Variants in PRKD1 observed in about 807,000 individuals in gnomAD.
PRKD1 encodes the protein protein kinase D1.
Under a neutral mutation model 95.9 loss-of-function variants are expected in PRKD1, and 63 were observed. That is an observed-to-expected ratio of 0.66 (90% CI 0.54 to 0.81). The LOEUF is 0.81. Among genes scored for constraint, PRKD1 ranks in the 30% least tolerant of loss-of-function variants. The pLI is 0.00. For synonymous variants in PRKD1, 425 were observed against 423.1 expected (o/e 1.00, Z -0.05); for missense variants, 1,048 against 1,165.3 (o/e 0.90, Z 1.47).
chr14:29,834,222 A>G (rs1891524698), intron 1 of PRKD1, among the ~76,000 whole-genome samples: 1 of 152,120 alleles, frequency 6.6e-6, no homozygotes, highest in Non-Finnish European at 1.5e-5. Context: ...TTAGCCATTC[A>G]TTGTTTTAGT....
At chr14:29,753,890 G>A (rs552392160) in intron 1 of PRKD1, among the ~76,000 whole-genome samples, 12 of 152,170 alleles carry the variant, frequency 7.9e-5, no homozygotes, top group South Asian at 2.1e-4. Context: ...ATGTGGCAAC[G>A]GATAGCCTGA....
chr14:29,855,543 G>A lies in PRKD1; in HGVS notation c.264+71706C>T, dbSNP rs534514063. Among the ~76,000 whole-genome samples the A allele has an allele frequency of 1.9e-4, 29 of 152,310 alleles. 2 individuals are homozygous for A. In the South Asian group the frequency reaches 5.0e-3, roughly 26 times the overall value. On this transcript the variant is annotated intron_variant, in intron 1 of 17. Transcript: ENST00000331968. ...GAGACTTTGGACTGTGAACTTTGGA[G>A]TTAATGCTAAAATGAGTAAAGACTT... is the stretch of plus-strand genomic sequence containing the variant.
At chr14:29,883,246 C>T (rs1893578749) in intron 1 of PRKD1, among the ~76,000 whole-genome samples, 3 of 152,170 alleles carry the variant, frequency 2.0e-5, no homozygotes. Context: ...CCAAACACCT[C>T]CCACCAGGCC....
At chr14:29,905,716 G>C (rs1251725710) in intron 1 of PRKD1, among the ~76,000 whole-genome samples, 2 of 152,168 alleles carry the variant, frequency 1.3e-5, no homozygotes. Flanking sequence ...CCCTCCTCAA[G>C]GTTGACTGCA....
intron 8 of PRKD1, among the ~76,000 whole-genome samples, chr14:29,633,694 T>C (rs1043030434): frequency 2.0e-5 from 3 of 152,204 alleles, no homozygotes; most frequent in Non-Finnish European, 4.4e-5. Flanking sequence ...ATATATTAAA[T>C]ATATTACACC....
At chr14:29,809,451 T>G (rs980157313) in intron 1 of PRKD1, among the ~76,000 whole-genome samples, 2 of 152,248 alleles carry the variant, frequency 1.3e-5, no homozygotes, top group African/African-American at 4.8e-5. Context: ...TTGTCTTCAT[T>G]GAAAATCTGT....
At chr14:29,675,856 A>C (rs1566531634) in intron 2 of PRKD1, among the ~76,000 whole-genome samples, 1 of 151,902 alleles carries the variant, frequency 6.6e-6, no homozygotes, top group African/African-American at 2.4e-5. Context: ...GGAAACCATC[A>C]TTCTCAGCAA....
intron 1 of PRKD1, among the ~76,000 whole-genome samples, chr14:29,905,957 C>T (rs1420902202): frequency 6.6e-6 from 1 of 151,994 alleles, no homozygotes; most frequent in African/African-American, 2.4e-5. Context: ...GGCTTAAACA[C>T]TGCATGAGAA....
intron 1 of PRKD1, among the ~76,000 whole-genome samples, chr14:29,776,065 C>G (rs1004338839): frequency 6.6e-6 from 1 of 152,184 alleles, no homozygotes; most frequent in African/African-American, 2.4e-5. Context: ...CAAACTCCAA[C>G]AGACCTGCAG....
At chr14:29,641,898 C>CTTTTTTTTTTTTTTTTTTTTTTTTT (rs751584936) in intron 4 of PRKD1, among the ~76,000 whole-genome samples, 1 of 116,710 alleles carries the variant, frequency 8.6e-6, no homozygotes, top group African/African-American at 3.3e-5. Flanking sequence ...AAAAATATTT[C>CTTTTTTTTTTTTTTTTTTTTTTTTT]TTTTTTTTTT....
intron 16 of PRKD1, among the ~76,000 whole-genome samples, chr14:29,590,414 A>G (rs1490468571): frequency 6.6e-6 from 1 of 152,194 alleles, no homozygotes; most frequent in Non-Finnish European, 1.5e-5. Flanking sequence ...TTTGATGGTC[A>G]AATTGTATGT....
chr14:29,710,544 A>G (rs1885289790), intron 2 of PRKD1, among the ~76,000 whole-genome samples: 1 of 152,110 alleles, frequency 6.6e-6, no homozygotes, highest in Non-Finnish European at 1.5e-5. Context: ...AAAACGAGGA[A>G]AGTCTGAGAA....
chr14:29,718,007 A>AC (rs1376881610), intron 2 of PRKD1, among the ~76,000 whole-genome samples: 1 of 152,186 alleles, frequency 6.6e-6, no homozygotes, highest in Admixed American at 6.6e-5. Flanking sequence ...GAAGAAGTGC[A>AC]CCAAGCACAA....
chr14:29,690,847 T>C (rs1380250258), intron 2 of PRKD1, among the ~76,000 whole-genome samples: 1 of 152,194 alleles, frequency 6.6e-6, no homozygotes, highest in Non-Finnish European at 1.5e-5. Context: ...TCTGGCTAAA[T>C]CCTAGTCATC....
chr14:29,631,162 A>C, intron 9 of PRKD1, 141 bp from the exon 10 acceptor site: 1 of 839,644 alleles, frequency 1.2e-6, no homozygotes, highest in East Asian at 2.7e-5. Context: ...TAAAACACAG[A>C]ATACTGCTAA....
At chr14:29,729,387 A>C (rs1430951726) in intron 1 of PRKD1, among the ~76,000 whole-genome samples, 2 of 152,044 alleles carry the variant, frequency 1.3e-5, no homozygotes, top group Non-Finnish European at 2.9e-5. Flanking sequence ...CTCTTAAGTG[A>C]CTTTTGGCAG....
At chr14:29,718,549 A>G (rs1017183635) in intron 2 of PRKD1, among the ~76,000 whole-genome samples, 5 of 151,922 alleles carry the variant, frequency 3.3e-5, no homozygotes, top group African/African-American at 1.2e-4. Context: ...ATTAACAATC[A>G]CAAAAAGGAA....
At chr14:29,735,898 G>A (rs1485498385) in intron 1 of PRKD1, among the ~76,000 whole-genome samples, 1 of 152,120 alleles carries the variant, frequency 6.6e-6, no homozygotes, top group African/African-American at 2.4e-5. Flanking sequence ...AAGGGTGGCT[G>A]AGAAGACATT....
chr14:29,590,015 C>A (rs1893075266), intron 16 of PRKD1, among the ~76,000 whole-genome samples: 1 of 152,012 alleles, frequency 6.6e-6, no homozygotes, highest in South Asian at 2.1e-4. Context: ...CAGTGCTGGT[C>A]TGAATTGTTT....
Sources: gnomAD v4.1 joint callset for allele counts (sites outside exome capture counted in the v4.1 genomes callset) on GRCh38, gnomAD v4.1.1 for gene constraint, MANE v1.5 for transcripts, NCBI Gene and HGNC (gene_info 2026-07-23, HGNC 2026-07-21) for gene names.